DNAH1: variants seen among roughly 807,000 people sequenced by gnomAD.
The protein encoded by DNAH1 is axonemal beta dynein heavy chain 1.
DNAH1 carries 327 observed loss-of-function variants against 484.3 expected under a neutral mutation model. That is an observed-to-expected ratio of 0.68 (90% CI 0.62 to 0.74). DNAH1 has a LOEUF of 0.74. Among genes scored for constraint, DNAH1 ranks in the 30% least tolerant of loss-of-function variants. The pLI is 0.00. For synonymous variants in DNAH1, 2,192 were observed against 2,191.9 expected (o/e 1.00, Z 0.00); for missense variants, 5,052 against 5,546.8 (o/e 0.91, Z 2.83).
In DNAH1 at chr3:52,386,197, T is replaced by C. The variant is rs1200745995; in HGVS notation, c.8663T>C (p.Val2888Ala). ...ATCGCCGAGGAGACCCGGAATTCAG[T>C]GCAGACAGAGGAGATCAAAGCCAAT... is the stretch of plus-strand genomic sequence containing the variant. ...TAIAEETRNS[V>A]QTEEIKANEK... Residue 2888 changes from valine to alanine, a missense_variant, in exon 55 of 78, where the codon GTG (valine) becomes GCG (alanine). By Grantham distance (64) the Val-to-Ala change is moderately conservative. Coordinates refer to ENST00000420323, the MANE Select transcript of DNAH1 (RefSeq NM_015512.5). 1 of 1,613,786 alleles carries C rather than the reference T, an allele frequency of 6.2e-7. No individual in the cohort carries two copies. The highest frequency in any genetic ancestry group is 8.5e-7 in the Non-Finnish European group (1 of 1,179,808).
At chr3:52,391,692 T>C in intron 63 of DNAH1, 89 bp downstream of exon 63, 1 of 1,502,346 alleles carries the variant, frequency 6.7e-7, no homozygotes, top group Non-Finnish European at 9.1e-7. Context: ...CGGGAGTCAG[T>C]GGGACTTTCC....
At chr3:52,399,387 G>T (rs1334766966) in intron 76 of DNAH1, among the ~76,000 whole-genome samples, 158 bp from the exon 77 acceptor site, 1 of 152,190 alleles carries the variant, frequency 6.6e-6, no homozygotes, top group South Asian at 2.1e-4. Flanking sequence ...ATCCACAGGG[G>T]CAGGGCACAG....
At chr3:52,352,400 C>T (rs894308214) in intron 17 of DNAH1, among the ~76,000 whole-genome samples, 152 bp from the exon 18 acceptor site, 7 of 152,018 alleles carry the variant, frequency 4.6e-5, no homozygotes, top group African/African-American at 1.4e-4. Context: ...CCTGGCTTTG[C>T]TGTGAGGAAC....
intron 3 of DNAH1, among the ~76,000 whole-genome samples, chr3:52,325,233 G>A (rs1340991039): frequency 6.6e-6 from 1 of 152,152 alleles, no homozygotes; most frequent in East Asian, 1.9e-4. Flanking sequence ...GGTGGCCTCT[G>A]TGGGACCCCA....
In DNAH1 at chr3:52,397,678, G is replaced by A. The variant is rs200110248; in HGVS notation, c.11788-29G>A. The A allele has an allele frequency of 2.3e-3, 3,626 of 1,565,578 alleles. 13 individuals carry two copies. Among genetic ancestry groups the A allele is most frequent in the South Asian group, 5.4e-3 (447 of 82,732 alleles). On this transcript the variant is annotated intron_variant, in intron 73 of 77. Transcript: ENST00000420323. ...GAGGGCTGGGGCAGAGCAAGCCAGG[G>A]GCTTCCATGTTGGCCTCCTCTCTCC... is the stretch of plus-strand genomic sequence containing the variant.
intron 1 of DNAH1, among the ~76,000 whole-genome samples, chr3:52,317,076 T>C (rs1208783858): frequency 6.6e-6 from 1 of 152,252 alleles, no homozygotes; most frequent in East Asian, 1.9e-4. Context: ...TCTTTTTATC[T>C]AGCTATGCTT....
chr3:52,374,127 A>G (rs1054634492), intron 44 of DNAH1: 4 of 1,177,822 alleles, frequency 3.4e-6, no homozygotes, highest in East Asian at 2.3e-5. Context: ...CACAGAATCT[A>G]TGGGAAATTC....
At chr3:52,390,157 G>C (rs1264938647) in intron 60 of DNAH1, among the ~76,000 whole-genome samples, 1 of 152,154 alleles carries the variant, frequency 6.6e-6, no homozygotes, top group East Asian at 1.9e-4. Flanking sequence ...TGGAGGTTGA[G>C]AAACAGTGTC....
chr3:52,364,996 A>G lies in DNAH1; in HGVS notation c.5495A>G (p.Asn1832Ser), dbSNP rs1398363919. ...GAGGCCATCCGCGAGGCCTGCAGGA[A>G]CAGCAACCTCAAGGATGTGGAGGGT... ...LDEAIREACR[N>S]SNLKDVEGFL... Residue 1832 changes from asparagine to serine, a missense_variant, in exon 34 of 78, where the codon AAC (asparagine) becomes AGC (serine). Around this residue, in one of 4 missense-constraint regions of DNAH1, gnomAD observed 2,929 missense variants for 3,409.4 expected, o/e 0.86. Coordinates refer to ENST00000420323, the MANE Select transcript of DNAH1 (RefSeq NM_015512.5). This position sits in a 1 kb window ranked among gnomAD's most constrained non-coding sequence, Gnocchi z 4.2. 6.2e-7 allele frequency: 1 copy of G among 1,612,508 alleles called. No homozygotes were observed. The highest frequency in any genetic ancestry group is 1.3e-5 in the African/African-American group (1 of 74,906).
At chr3:52,359,822 G>A (rs1299418251) in intron 26 of DNAH1, 94 bp from the exon 27 acceptor site, 16 of 1,515,186 alleles carry the variant, frequency 1.1e-5, no homozygotes, top group Non-Finnish European at 1.2e-5. Context: ...CAGGATAGAG[G>A]GACTGTTTGT....
chr3:52,350,079 G>A lies in DNAH1; in HGVS notation c.2617G>A (p.Gly873Ser). Residue 873 changes from glycine (G) to serine (S), a missense_variant, in exon 15 of 78, where the codon GGC becomes AGC. Gly to Ser is a moderately conservative substitution (Grantham distance 56). Around this residue, in one of 4 missense-constraint regions of DNAH1, gnomAD observed 1,263 missense variants for 1,218.8 expected, o/e 1.04. Transcript: ENST00000420323. ...ELAELREWMK[G>S]IPERLVGLEE... The stretch of plus-strand genomic sequence containing the variant: ...GGCTGAGCTGCGAGAGTGGATGAAG[G>A]GCATCCCGGAGAGGCTGGTGGGCCT... 1 of 1,612,744 alleles carries A rather than the reference G, an allele frequency of 6.2e-7. No individual in the cohort carries two copies. Among genetic ancestry groups the A allele is most frequent in the East Asian group, 2.2e-5 (1 of 44,884 alleles).
chr3:52,375,104 T>A, intron 44 of DNAH1, 136 bp from the exon 45 acceptor site: 4 of 1,040,808 alleles, frequency 3.8e-6, no homozygotes, highest in Non-Finnish European at 5.4e-6. Context: ...AATTTTCCTG[T>A]GTAATATTGA....
At chr3:52,315,294 G>A (rs531372713), upstream of DNAH1, among the ~76,000 whole-genome samples, 5 of 152,340 alleles carry the variant, frequency 3.3e-5, no homozygotes, top group South Asian at 2.1e-4. Context: ...GGGTAGCTCA[G>A]CCACTCAGTC....
chr3:52,350,699 C>T, intron 16 of DNAH1, 109 bp downstream of exon 16: 1 of 998,236 alleles, frequency 1.0e-6, no homozygotes, highest in Non-Finnish European at 1.5e-6. Context: ...TGCAATCTCC[C>T]CAGAAACACC....
rs776064459 is a variant in DNAH1 at position 52,397,802 on chromosome 3, G to A, written c.11883G>A (p.Glu3961=). The A allele has an allele frequency of 3.1e-6, 5 of 1,613,746 alleles. No homozygotes were observed. The highest frequency in any genetic ancestry group is 4.2e-6 in the Non-Finnish European group (5 of 1,179,768). The stretch of plus-strand genomic sequence containing the variant: ...CCAACATCACCTTTGCCCAGAACGA[G>A]ACGTTCGCCCTCCTGGGCACCATCA... ...DNANITFAQN[E]TFALLGTIIQ... is the part of the protein sequence containing the mutation. The change falls in exon 74 of 78, where the codon GAG becomes GAA. Residue 3961 remains glutamate, a synonymous_variant. Coordinates refer to ENST00000420323, the MANE Select transcript of DNAH1 (RefSeq NM_015512.5).
chr3:52,354,895 C>T lies in DNAH1; in HGVS notation c.3533C>T (p.Pro1178Leu). The change falls in exon 21 of 78, where the codon CCC becomes CTC. Residue 1178 changes from proline to leucine, a missense_variant. By Grantham distance (98) the Pro-to-Leu change is moderately conservative (BLOSUM62 -3). Around this residue, in one of 4 missense-constraint regions of DNAH1, gnomAD observed 2,929 missense variants for 3,409.4 expected, o/e 0.86. Coordinates refer to ENST00000420323, the MANE Select transcript of DNAH1 (RefSeq NM_015512.5). ...EWSTILFNVL[P>L]YKATDTYILK... Reference sequence around the variant, plus strand: ...TCGACCATCCTGTTCAATGTACTGCCCTACAAGGCGACAGACACCTACATC... The same window carrying T: ...TCGACCATCCTGTTCAATGTACTGCTCTACAAGGCGACAGACACCTACATC... 6.2e-7 allele frequency: 1 copy of T among 1,613,988 alleles called. No homozygotes were observed. Among genetic ancestry groups the T allele is most frequent in the South Asian group, 1.1e-5 (1 of 91,082 alleles).
chr3:52,374,602 A>AT, intron 44 of DNAH1: 2 of 1,497,888 alleles, frequency 1.3e-6, no homozygotes, highest in South Asian at 2.3e-5. Context: ...CGAGCTCTCT[A>AT]TTACTGGAAT....
intron 48 of DNAH1, 123 bp downstream of exon 48, chr3:52,380,258 C>T (rs1231752771): frequency 1.9e-5 from 16 of 823,590 alleles, no homozygotes; most frequent in African/African-American, 3.4e-5. Flanking sequence ...GGCCAGGACG[C>T]GGGGTAAGAC....
rs560751988 is a variant in DNAH1 at position 52,372,677 on chromosome 3, C to T, written c.6828-219C>T. ...GCCTGTTGTCCATCTGCCTGGGAGG[C>T]GAGACTCACTTTGAGGGAGCTCAGA... On this transcript the variant is annotated intron_variant, in intron 43 of 77. Transcript: ENST00000420323. 1.3e-4 allele frequency among the ~76,000 whole-genome samples: 20 copies of T among 152,326 alleles called. No homozygotes were observed. In the South Asian group the frequency reaches 4.1e-3, roughly 32 times the overall value.
Sources: allele counts gnomAD v4.1 joint callset (sites outside exome capture counted in the v4.1 genomes callset), GRCh38; gene constraint gnomAD v4.1.1; regional missense constraint gnomAD v4.1.1; non-coding constraint Gnocchi (gnomAD v3.1); transcripts MANE v1.5; gene names NCBI Gene and HGNC (gene_info 2026-07-23, HGNC 2026-07-21).